CERS6: variants seen among roughly 807,000 people sequenced by gnomAD.
CERS6 encodes the protein ceramide synthase 6.
Under a neutral mutation model 56.8 loss-of-function variants are expected in CERS6, and 26 were observed. That is an observed-to-expected ratio of 0.46 (90% CI 0.34 to 0.63). CERS6 has a LOEUF of 0.63. Among genes scored for constraint, CERS6 ranks in the 30% least tolerant of loss-of-function variants. The pLI is 0.01. For missense variants in CERS6, 415 were observed against 467.5 expected (o/e 0.89, Z 1.04); for synonymous variants, 164 against 173.3 (o/e 0.95, Z 0.42).
chr2:168,604,795 C>A (rs933304044), intron 3 of CERS6, among the ~76,000 whole-genome samples: 3 of 152,176 alleles, frequency 2.0e-5, no homozygotes, highest in African/African-American at 7.2e-5. Flanking sequence ...CCAGAAGTAG[C>A]AGCCACTGTG....
intron 3 of CERS6, among the ~76,000 whole-genome samples, chr2:168,565,335 A>G (rs1695865672): frequency 1.3e-5 from 2 of 152,216 alleles, no homozygotes; most frequent in South Asian, 4.1e-4. Context: ...TGTCAGGATG[A>G]TGACTCAGGT....
chr2:168,675,180 G>A (rs1333027060), intron 4 of CERS6, among the ~76,000 whole-genome samples: 1 of 151,918 alleles, frequency 6.6e-6, no homozygotes, highest in East Asian at 1.9e-4. Flanking sequence ...CACCAGGTTG[G>A]CTAAGATGGT....
intron 3 of CERS6, among the ~76,000 whole-genome samples, chr2:168,603,839 G>A (rs1043700847): frequency 5.3e-5 from 8 of 152,240 alleles, no homozygotes; most frequent in African/African-American, 1.9e-4. Context: ...AGCCAGGTTT[G>A]TGTAAGAAAT....
chr2:168,464,209 T>TGTGA (rs1553482289), intron 1 of CERS6, among the ~76,000 whole-genome samples: 2 of 149,008 alleles, frequency 1.3e-5, no homozygotes. Context: ...TGTGTGTGTG[T>TGTGA]GTGACAAGGG....
chr2:168,572,025 T>C (rs886852276), intron 3 of CERS6, among the ~76,000 whole-genome samples: 1 of 152,130 alleles, frequency 6.6e-6, no homozygotes, highest in Non-Finnish European at 1.5e-5. Flanking sequence ...ATGGAGGATA[T>C]ACTGTGATTG....
intron 3 of CERS6, among the ~76,000 whole-genome samples, chr2:168,597,249 A>G (rs908068005): frequency 1.3e-5 from 2 of 152,212 alleles, no homozygotes; most frequent in African/African-American, 2.4e-5. Context: ...GTAGAGCATT[A>G]TTTATTATAT....
intron 8 of CERS6, among the ~76,000 whole-genome samples, chr2:168,739,299 A>G (rs942865756): frequency 6.6e-6 from 1 of 152,000 alleles, no homozygotes; most frequent in African/African-American, 2.4e-5. Flanking sequence ...AAGAATGAAT[A>G]AATAGTAAAT....
At chr2:168,475,965 A>G (rs2105328641) in intron 1 of CERS6, among the ~76,000 whole-genome samples, 1 of 152,320 alleles carries the variant, frequency 6.6e-6, no homozygotes, top group South Asian at 2.1e-4. Context: ...AGGTAAGCCT[A>G]AGGCACTAAG....
At chr2:168,529,357 A>G (rs1226361473) in intron 1 of CERS6, among the ~76,000 whole-genome samples, 1 of 152,056 alleles carries the variant, frequency 6.6e-6, no homozygotes, top group African/African-American at 2.4e-5. Context: ...GGAGTTGGTG[A>G]CTCTGTTTTT....
At chr2:168,567,432 A>G (rs572590109) in intron 3 of CERS6, among the ~76,000 whole-genome samples, 1 of 152,358 alleles carries the variant, frequency 6.6e-6, no homozygotes, top group South Asian at 2.1e-4. Context: ...CTGCTGCAGC[A>G]TAAAAGCAGC....
intron 1 of CERS6, among the ~76,000 whole-genome samples, chr2:168,516,018 C>T (rs757495836): frequency 3.9e-5 from 6 of 152,210 alleles, no homozygotes; most frequent in Non-Finnish European, 5.9e-5. Flanking sequence ...ACAGCTTAAG[C>T]TCCATCTTGA....
intron 1 of CERS6, among the ~76,000 whole-genome samples, chr2:168,520,598 CTTTTTTTTTTTTTTTT>C (rs150724635): frequency 1.7e-5 from 1 of 57,860 alleles, no homozygotes; most frequent in Non-Finnish European, 3.2e-5. Context: ...TTACAATATC[CTTTTTTTTTTTTTTTT>C]TTTTTTTTTT....
At chr2:168,549,407 C>T (rs1396836063) in intron 2 of CERS6, among the ~76,000 whole-genome samples, 5 of 152,096 alleles carry the variant, frequency 3.3e-5, no homozygotes, top group Non-Finnish European at 7.4e-5. Context: ...GAGGCTGAGG[C>T]GGGCAGATCA....
chr2:168,663,901 C>T (rs989516577), intron 4 of CERS6, among the ~76,000 whole-genome samples: 1 of 152,124 alleles, frequency 6.6e-6, no homozygotes, highest in African/African-American at 2.4e-5. Context: ...AAAAAAATGG[C>T]TGCTCTTCAC....
chr2:168,698,907 G>A (rs1313126990), intron 6 of CERS6, among the ~76,000 whole-genome samples: 1 of 152,112 alleles, frequency 6.6e-6, no homozygotes, highest in Non-Finnish European at 1.5e-5. Context: ...TTTTAGATAG[G>A]TAGCTCCTCT....
intron 8 of CERS6, among the ~76,000 whole-genome samples, chr2:168,723,696 T>A (rs980403660): frequency 6.6e-6 from 1 of 152,212 alleles, no homozygotes; most frequent in African/African-American, 2.4e-5. Flanking sequence ...AATACTGTTA[T>A]GAGTTTCCTC....
In CERS6 at chr2:168,547,622, C is replaced by T; in HGVS notation, c.197C>T (p.Ala66Val). ...TTTGTAGCCAAACCGTGCGCCATAG[C>T]CCTCAACATTCAGGCCAATGGACCA... ...ERFVAKPCAI[A>V]LNIQANGPQI... Residue 66 changes from alanine (A) to valine (V), a missense_variant, in exon 2 of 10, where the codon GCC becomes GTC. Transcript: ENST00000305747. 1 of 1,613,602 alleles carries T rather than the reference C, an allele frequency of 6.2e-7. No individual in the cohort carries two copies. Among genetic ancestry groups the T allele is most frequent in the Non-Finnish European group, 8.5e-7 (1 of 1,179,534 alleles).
intron 1 of CERS6, among the ~76,000 whole-genome samples, chr2:168,510,093 T>TAAA (rs10629640): frequency 9.9e-4 from 139 of 140,002 alleles, no homozygotes; most frequent in African/African-American, 1.9e-3. Context: ...TAATAATTGG[T>TAAA]AAAAAAAAAA....
intron 1 of CERS6, among the ~76,000 whole-genome samples, chr2:168,485,628 C>G (rs927986642): frequency 2.0e-5 from 3 of 152,088 alleles, no homozygotes; most frequent in African/African-American, 7.2e-5. Context: ...TTCCTTCTTT[C>G]ACTTTAGCAA....
Sources: allele counts gnomAD v4.1 joint callset (sites outside exome capture counted in the v4.1 genomes callset), GRCh38; gene constraint gnomAD v4.1.1; transcripts MANE v1.5; gene names NCBI Gene and HGNC (gene_info 2026-07-23, HGNC 2026-07-21).